The following BMAL1 variants were observed in gnomAD, a reference collection of about 807,000 sequenced individuals.
The protein encoded by BMAL1 is basic helix-loop-helix ARNT like 1.
At chr11:13,284,168 ATATATATATGTG>A in the BMAL1 span, among the ~76,000 whole-genome samples, 213 of 44,484 alleles carry the variant, frequency 4.8e-3, 29 homozygotes, top group Non-Finnish European at 7.8e-3. Context: ...ATGTGTGTAT[ATATATATATGTG>A]TATATATATA....
At chr11:13,385,575 T>G in the BMAL1 span, 1 of 692,744 alleles carries the variant, frequency 1.4e-6, no homozygotes, top group African/African-American at 1.8e-5. Flanking sequence ...AATCATCCAA[T>G]AGAAAACTGA....
At chr11:13,363,789 G>A in the BMAL1 span, among the ~76,000 whole-genome samples, 8 of 152,318 alleles carry the variant, frequency 5.3e-5, no homozygotes, top group East Asian at 1.5e-3. Flanking sequence ...GAGTGACCCT[G>A]CCACTGGCTG....
At chr11:13,376,145 G>C in the BMAL1 span, among the ~76,000 whole-genome samples, 2 of 152,208 alleles carry the variant, frequency 1.3e-5, no homozygotes. Context: ...CTGAGGATGG[G>C]GAGGTCTCCA....
chr11:13,363,149 T>C, the BMAL1 span, among the ~76,000 whole-genome samples: 4 of 71,658 alleles, frequency 5.6e-5, no homozygotes, highest in East Asian at 5.8e-4. Context: ...TATATATATA[T>C]ATATATATAT....
the BMAL1 span, among the ~76,000 whole-genome samples, chr11:13,351,895 T>C: frequency 6.6e-6 from 1 of 152,166 alleles, no homozygotes; most frequent in South Asian, 2.1e-4. Flanking sequence ...GGAAAAAAAC[T>C]GGAGACAGAG....
At chr11:13,351,778 G>A in the BMAL1 span, among the ~76,000 whole-genome samples, 1 of 152,190 alleles carries the variant, frequency 6.6e-6, no homozygotes, top group African/African-American at 2.4e-5. Flanking sequence ...GGAGAGAACT[G>A]GCCATTGGAT....
the BMAL1 span, among the ~76,000 whole-genome samples, chr11:13,364,255 G>A: frequency 7.9e-5 from 12 of 152,212 alleles, no homozygotes; most frequent in African/African-American, 2.9e-4. Context: ...CCAGCTTAGG[G>A]ACCTAACTTA....
the BMAL1 span, among the ~76,000 whole-genome samples, chr11:13,373,903 T>C: frequency 6.6e-6 from 1 of 152,106 alleles, no homozygotes; most frequent in Admixed American, 6.5e-5. Flanking sequence ...TTTATAGCCT[T>C]GATTAAATTC....
At chr11:13,324,186 G>C in the BMAL1 span, among the ~76,000 whole-genome samples, 1 of 152,152 alleles carries the variant, frequency 6.6e-6, no homozygotes, top group African/African-American at 2.4e-5. Context: ...TCTCTTGTCA[G>C]TTTGCTACAT....
the BMAL1 span, among the ~76,000 whole-genome samples, chr11:13,325,383 C>T: frequency 3.9e-5 from 6 of 152,204 alleles, no homozygotes; most frequent in East Asian, 5.8e-4. Context: ...GTTCTTTTCT[C>T]GCAGTGGGTA....
chr11:13,358,320 A>G, the BMAL1 span: 1 of 1,212,878 alleles, frequency 8.2e-7, no homozygotes, highest in Non-Finnish European at 1.1e-6. Flanking sequence ...TGCAAATTCT[A>G]AATTTGCCTT....
chr11:13,355,108 G>T, the BMAL1 span: 1 of 813,400 alleles, frequency 1.2e-6, no homozygotes, highest in Non-Finnish European at 1.9e-6. Flanking sequence ...ATTTTGTTTT[G>T]CCGAAGCACC....
chr11:13,288,220 G>C, the BMAL1 span, among the ~76,000 whole-genome samples: 1 of 152,074 alleles, frequency 6.6e-6, no homozygotes, highest in Non-Finnish European at 1.5e-5. Context: ...GATCACTGAA[G>C]GCCCAAACCT....
At chr11:13,369,566 C>G in the BMAL1 span, 1 of 1,607,494 alleles carries the variant, frequency 6.2e-7, no homozygotes, top group Non-Finnish European at 8.5e-7. Context: ...ACTCCCCCTC[C>G]TGACAGACAA....
chr11:13,376,471 C>G, the BMAL1 span: 5 of 710,780 alleles, frequency 7.0e-6, no homozygotes, highest in South Asian at 6.3e-5. Flanking sequence ...GGCCAGGATG[C>G]TATCCATTAT....
the BMAL1 span, among the ~76,000 whole-genome samples, chr11:13,377,216 A>G: frequency 6.6e-6 from 1 of 152,002 alleles, no homozygotes; most frequent in East Asian, 1.9e-4. Flanking sequence ...TGCAGCCCCC[A>G]TCGATGACTC....
chr11:13,325,105 A>G, the BMAL1 span, among the ~76,000 whole-genome samples: 1 of 152,220 alleles, frequency 6.6e-6, no homozygotes, highest in Non-Finnish European at 1.5e-5. Flanking sequence ...TGATTCCTTT[A>G]TAAGAAAAGC....
the BMAL1 span, among the ~76,000 whole-genome samples, chr11:13,281,342 C>T: frequency 6.6e-6 from 1 of 152,066 alleles, no homozygotes; most frequent in Admixed American, 6.5e-5. Context: ...CTCCCTCCTG[C>T]CAGCCTCCCC....
the BMAL1 span, among the ~76,000 whole-genome samples, chr11:13,335,030 G>A: frequency 7.2e-5 from 11 of 152,266 alleles, no homozygotes; most frequent in South Asian, 2.3e-3. Context: ...AGGGACCCTC[G>A]GGCATCGACT....
Sources: gnomAD v4.1 joint callset for allele counts (sites outside exome capture counted in the v4.1 genomes callset) on GRCh38, gnomAD v4.1.1 for gene constraint, MANE v1.5 for transcripts, NCBI Gene and HGNC (gene_info 2026-07-23, HGNC 2026-07-21) for gene names.